Variants in TOP2A observed in about 807,000 individuals in gnomAD.
TOP2A encodes DNA topoisomerase 2-alpha.
In TOP2A, 68 loss-of-function variants were observed where a neutral mutation model predicts 187.2. That is an observed-to-expected ratio of 0.36 (90% CI 0.30 to 0.44). TOP2A has a LOEUF of 0.44. TOP2A is among the 20% of genes least tolerant of loss of function. TOP2A has a pLI of 1.00. For synonymous variants in TOP2A, 542 were observed against 593.2 expected (o/e 0.91, Z 1.25); for missense variants, 1,196 against 1,808.7 (o/e 0.66, Z 6.14).
chr17:40,400,704 G>C (rs2035168561), intron 21 of TOP2A, 41 bp from the exon 22 acceptor site: 10 of 1,567,054 alleles, frequency 6.4e-6, no homozygotes, highest in Non-Finnish European at 7.8e-6. Context: ...TTCTAAATGT[G>C]ATACTAGACG....
chr17:40,397,014 C>T (rs1462395669), intron 27 of TOP2A, among the ~76,000 whole-genome samples: 1 of 151,328 alleles, frequency 6.6e-6, no homozygotes, highest in Non-Finnish European at 1.5e-5. Context: ...TCCGGAGTAG[C>T]TGAGACTATA....
At chr17:40,417,556 G>A in intron 1 of TOP2A, 1 of 1,431,442 alleles carries the variant, frequency 7.0e-7, no homozygotes, top group Non-Finnish European at 9.1e-7. Context: ...GGGCAACAAC[G>A]CACGACACCC....
intron 10 of TOP2A, 31 bp from the exon 11 acceptor site, chr17:40,408,661 A>G: frequency 6.2e-7 from 1 of 1,608,732 alleles, no homozygotes; most frequent in Non-Finnish European, 8.5e-7. Flanking sequence ...ATTAGGGATC[A>G]TATTAGGGAA....
In TOP2A at chr17:40,389,027, G is replaced by A. The variant is rs1012273676; in HGVS notation, c.*492C>T. On this transcript the variant is annotated 3_prime_UTR_variant, in exon 35 of 35. Transcript: ENST00000423485. ...CTTGGCACATAAGAGGCTGAGTGTA[G>A]TAGAGTATCTGTACTAGAACCATAA... is the stretch of plus-strand genomic sequence containing the variant. 1.4e-5 allele frequency: 3 copies of A among 216,450 alleles called. No homozygotes were observed. Among genetic ancestry groups the A allele is most frequent in the South Asian group, 3.7e-4 (2 of 5,384 alleles). 13.4% of individuals were successfully genotyped at this position (216,450 alleles called of 1,614,324 possible).
chr17:40,398,697 T>A (rs979841565), intron 26 of TOP2A, 56 bp from the exon 27 acceptor site: 1 of 1,604,410 alleles, frequency 6.2e-7, no homozygotes, highest in Non-Finnish European at 8.5e-7. Context: ...AGCATTTTCA[T>A]GCAACACACA....
chr17:40,416,642 G>C, intron 2 of TOP2A, 98 bp downstream of exon 2: 2 of 1,473,706 alleles, frequency 1.4e-6, no homozygotes, highest in Non-Finnish European at 9.4e-7. Flanking sequence ...CAGTACATGA[G>C]AGATACAGAA....
intron 2 of TOP2A, 65 bp downstream of exon 2, chr17:40,416,675 G>A: frequency 6.4e-7 from 1 of 1,551,960 alleles, no homozygotes; most frequent in Non-Finnish European, 8.8e-7. Flanking sequence ...GTACATGAAA[G>A]GTACAGAAAG....
chr17:40,411,869 T>C lies in TOP2A; in HGVS notation c.790-51A>G, dbSNP rs2035326150. 1 of 1,445,870 alleles carries C rather than the reference T, an allele frequency of 6.9e-7. No homozygotes were observed. Among genetic ancestry groups the C allele is most frequent in the Admixed American group, 2.4e-5 (1 of 41,072 alleles). The allele number at this position is 1,445,870 out of a possible 1,614,324, so 89.6% of individuals were successfully genotyped here. A position where few individuals can be genotyped will look rare whatever the true frequency, so the allele number is the denominator to read the frequency against. ...ATTAAGAAAGTTATTAAAAAATAGG[T>C]TCAATGATAGACTATGAGGACTTTC... On this transcript the variant is annotated intron_variant, in intron 7 of 34. Transcript: ENST00000423485. This position sits in a 1 kb window ranked among gnomAD's most constrained non-coding sequence, Gnocchi z 4.4.
chr17:40,411,924 G>T lies in TOP2A; in HGVS notation c.790-106C>A. 1 of 926,308 alleles carries T rather than the reference G, an allele frequency of 1.1e-6. No homozygotes were observed. The highest frequency in any genetic ancestry group is 1.6e-6 in the Non-Finnish European group (1 of 637,892). The allele number at this position is 926,308 out of a possible 1,614,324, so 57.4% of individuals were successfully genotyped here. The stretch of plus-strand genomic sequence containing the variant: ...ACCAATGCAATGATGTTCACTGATA[G>T]GCATAAGGGAATGGTCATTAAAGGA... On this transcript the variant is annotated intron_variant, in intron 7 of 34. Transcript: ENST00000423485. The surrounding 1 kb of genome is among the most constrained non-coding windows in gnomAD (Gnocchi z 4.4).
chr17:40,391,755 G>T, intron 32 of TOP2A, 115 bp from the exon 33 acceptor site: 2 of 1,129,836 alleles, frequency 1.8e-6, no homozygotes, highest in Non-Finnish European at 1.2e-6. Flanking sequence ...GACTTTTCTG[G>T]AATATTTAAA....
chr17:40,400,985 A>G lies in TOP2A; in HGVS notation c.2529T>C (p.Pro843=). The G allele has an allele frequency of 6.2e-7, 1 of 1,614,018 alleles. No homozygotes were observed. Among genetic ancestry groups the G allele is most frequent in the Non-Finnish European group, 8.5e-7 (1 of 1,179,886 alleles). ...NQRVEPEWYI[P]IIPMVLINGA... The stretch of plus-strand genomic sequence containing the variant: ...CATTTATCAGCACCATGGGAATAAT[A>G]GGAATGTACCATTCAGGCTCAACAC... Residue 843 remains proline (P), a synonymous_variant, in exon 21 of 35, where the codon CCT becomes CCC. Coordinates refer to ENST00000423485, the MANE Select transcript of TOP2A (RefSeq NM_001067.4).
intron 20 of TOP2A, 78 bp from the exon 21 acceptor site, chr17:40,401,159 T>G: frequency 8.1e-7 from 1 of 1,231,788 alleles, no homozygotes. Context: ...AGGACATGTA[T>G]TATACATGAA....
At chr17:40,417,064 C>A (rs925570970) in intron 1 of TOP2A, among the ~76,000 whole-genome samples, 169 bp from the exon 2 acceptor site, 2 of 152,118 alleles carry the variant, frequency 1.3e-5, no homozygotes, top group African/African-American at 4.8e-5. Context: ...AAATTCGCTG[C>A]GGCCAGGTCC....
In TOP2A at chr17:40,411,578, A is replaced by T; in HGVS notation, c.963+67T>A. On this transcript the variant is annotated intron_variant, in intron 8 of 34. Coordinates refer to ENST00000423485, the MANE Select transcript of TOP2A (RefSeq NM_001067.4). This position sits in a 1 kb window ranked among gnomAD's most constrained non-coding sequence, Gnocchi z 4.4. ...CCCAATATTCAAGTCCACTTTATATATTAAAAACAATAAGAACACATATAT... is the reference window on the plus strand; with the variant it reads ...CCCAATATTCAAGTCCACTTTATATTTTAAAAACAATAAGAACACATATAT... 1 of 1,563,978 alleles carries T rather than the reference A, an allele frequency of 6.4e-7. No homozygotes were observed. Among genetic ancestry groups the T allele is most frequent in the East Asian group, 2.3e-5 (1 of 42,772 alleles).
chr17:40,404,314 T>C, intron 18 of TOP2A, 41 bp from the exon 19 acceptor site: 1 of 1,608,622 alleles, frequency 6.2e-7, no homozygotes, highest in Non-Finnish European at 8.5e-7. Flanking sequence ...ATCCTCAATT[T>C]AACCAATTTT....
intron 1 of TOP2A, chr17:40,417,450 G>A (rs2035406361): frequency 4.2e-6 from 4 of 957,908 alleles, no homozygotes; most frequent in Non-Finnish European, 5.8e-6. Flanking sequence ...CGGGCAGGAG[G>A]GGAAAGCATC....
Position 40,389,265 on chromosome 17 carries a change from G to C in TOP2A, c.*254C>G. On this transcript the variant is annotated 3_prime_UTR_variant, in exon 35 of 35. Transcript: ENST00000423485. ...CAGTTCAGAAGAACTTAAAAATCAG[G>C]TTTTAAAGACAAAAGAAAGCAGACT... is the stretch of plus-strand genomic sequence containing the variant. 2.9e-6 allele frequency: 1 copy of C among 346,824 alleles called. No homozygotes were observed. The highest frequency in any genetic ancestry group is 5.7e-5 in the South Asian group (1 of 17,578). 21.5% of individuals were successfully genotyped at this position (346,824 alleles called of 1,614,324 possible). A position where few individuals can be genotyped will look rare whatever the true frequency, so the allele number is the denominator to read the frequency against.
intron 28 of TOP2A, among the ~76,000 whole-genome samples, chr17:40,395,907 T>C (rs534734928): frequency 2.6e-4 from 40 of 151,890 alleles, no homozygotes; most frequent in Non-Finnish European, 2.8e-4. Flanking sequence ...AACAAAAAAA[T>C]TTTATACATT....
chr17:40,389,449 G>T lies in TOP2A; in HGVS notation c.*70C>A. On this transcript the variant is annotated 3_prime_UTR_variant, in exon 35 of 35. Transcript: ENST00000423485. Reference sequence around the variant, plus strand: ...CTAAATTCAGAGGGGAGGAAGTTAAGAGCTTCAGGTAACTTTAAAACCAGT... The same window carrying T: ...CTAAATTCAGAGGGGAGGAAGTTAATAGCTTCAGGTAACTTTAAAACCAGT... The T allele has an allele frequency of 6.6e-7, 1 of 1,506,176 alleles. No homozygotes were observed. The highest frequency in any genetic ancestry group is 8.9e-7 in the Non-Finnish European group (1 of 1,120,864). The allele number at this position is 1,506,176 out of a possible 1,614,324, so 93.3% of individuals were successfully genotyped here.
Sources: gnomAD v4.1 joint callset for allele counts (sites outside exome capture counted in the v4.1 genomes callset) on GRCh38, gnomAD v4.1.1 for gene constraint, Gnocchi (gnomAD v3.1) non-coding constraint, MANE v1.5 for transcripts, NCBI Gene and HGNC (gene_info 2026-07-23, HGNC 2026-07-21) for gene names.